Variants in KRABD5 observed in about 807,000 individuals in gnomAD.
KRABD5 encodes KRAB domain-containing protein 5.
At chr16:31,735,255 A>G in the KRABD5 span, among the ~76,000 whole-genome samples, 1 of 151,986 alleles carries the variant, frequency 6.6e-6, no homozygotes, top group Non-Finnish European at 1.5e-5. Context: ...TTCTTTTTTA[A>G]TGGCTGAATA....
the KRABD5 span, among the ~76,000 whole-genome samples, chr16:31,717,003 T>G: frequency 2.1e-5 from 3 of 143,956 alleles, no homozygotes; most frequent in East Asian, 2.0e-4. Context: ...CTTTGTTTTT[T>G]TTTTTTTTTT....
At chr16:31,742,851 A>G in the KRABD5 span, among the ~76,000 whole-genome samples, 1 of 152,284 alleles carries the variant, frequency 6.6e-6, no homozygotes, top group East Asian at 1.9e-4. Context: ...AATGATTGCC[A>G]TTCTGACTGG....
the KRABD5 span, chr16:31,754,211 T>G: frequency 1.5e-6 from 1 of 668,910 alleles, no homozygotes; most frequent in Non-Finnish European, 2.7e-6. Context: ...AGGAGAGATT[T>G]AAAAACGAGG....
the KRABD5 span, among the ~76,000 whole-genome samples, chr16:31,713,713 A>T: frequency 6.6e-6 from 1 of 152,062 alleles, no homozygotes. Flanking sequence ...TGAGAACGTG[A>T]GGGTCTTAGG....
At chr16:31,753,869 T>C in the KRABD5 span, 1 of 1,551,316 alleles carries the variant, frequency 6.4e-7, no homozygotes. Context: ...GCCCTCAGAA[T>C]TTAAACTTAA....
the KRABD5 span, among the ~76,000 whole-genome samples, chr16:31,745,946 C>G: frequency 6.7e-6 from 1 of 148,772 alleles, no homozygotes; most frequent in Non-Finnish European, 1.5e-5. Flanking sequence ...GCAACCCCTG[C>G]TTTTTTTTTT....
the KRABD5 span, among the ~76,000 whole-genome samples, chr16:31,716,046 G>A: frequency 1.3e-5 from 2 of 152,148 alleles, no homozygotes; most frequent in Non-Finnish European, 2.9e-5. Context: ...CACTGGCGTC[G>A]CCATGCCCCT....
At chr16:31,724,560 C>CG in the KRABD5 span, among the ~76,000 whole-genome samples, 2 of 151,812 alleles carry the variant, frequency 1.3e-5, no homozygotes, top group African/African-American at 4.8e-5. Flanking sequence ...GGCGTGGTGG[C>CG]GGGTGCCTGT....
At chr16:31,752,286 T>C in the KRABD5 span, among the ~76,000 whole-genome samples, 3 of 152,204 alleles carry the variant, frequency 2.0e-5, no homozygotes, top group African/African-American at 7.2e-5. Flanking sequence ...TGGTCTATTC[T>C]GTAGATGCCT....
the KRABD5 span, chr16:31,761,298 A>C: frequency 5.3e-5 from 8 of 152,194 alleles, no homozygotes; most frequent in Non-Finnish European, 1.2e-4. Flanking sequence ...TGTTCTAGTG[A>C]AACAATTAGG....
the KRABD5 span, among the ~76,000 whole-genome samples, chr16:31,714,105 A>C: frequency 6.6e-6 from 1 of 152,186 alleles, no homozygotes; most frequent in Non-Finnish European, 1.5e-5. Context: ...GTGACAGTGG[A>C]TATCTGTGTT....
chr16:31,722,189 T>C, the KRABD5 span, among the ~76,000 whole-genome samples: 18 of 152,196 alleles, frequency 1.2e-4, no homozygotes, highest in Admixed American at 1.2e-3. Flanking sequence ...TTCTCCTGCC[T>C]CAGGTTCCTG....
the KRABD5 span, among the ~76,000 whole-genome samples, chr16:31,718,259 A>G: frequency 6.6e-6 from 1 of 152,146 alleles, no homozygotes; most frequent in African/African-American, 2.4e-5. Context: ...TTTTCTTCAC[A>G]GCAACACCCA....
chr16:31,743,966 T>G, the KRABD5 span, among the ~76,000 whole-genome samples: 1 of 152,216 alleles, frequency 6.6e-6, no homozygotes, highest in Non-Finnish European at 1.5e-5. Flanking sequence ...TTTTGCACAT[T>G]GATTTTGTAT....
the KRABD5 span, chr16:31,756,318 C>A: frequency 2.6e-5 from 4 of 152,030 alleles, no homozygotes; most frequent in African/African-American, 9.6e-5. Context: ...CATTAGTATT[C>A]TATACTAAAG....
At chr16:31,749,206 G>A in the KRABD5 span, among the ~76,000 whole-genome samples, 1 of 152,090 alleles carries the variant, frequency 6.6e-6, no homozygotes, top group Non-Finnish European at 1.5e-5. Context: ...AGAAAGGATG[G>A]CCTGGGTCAG....
the KRABD5 span, chr16:31,713,421 G>T: frequency 6.2e-7 from 1 of 1,605,532 alleles, no homozygotes; most frequent in Non-Finnish European, 8.5e-7. Flanking sequence ...AGGACATCCC[G>T]GAAGCTGGGA....
chr16:31,720,917 G>C, the KRABD5 span, among the ~76,000 whole-genome samples: 1 of 152,128 alleles, frequency 6.6e-6, no homozygotes, highest in Non-Finnish European at 1.5e-5. Context: ...TTTGAAACTG[G>C]AAATTCTGAA....
chr16:31,730,413 C>T, the KRABD5 span, among the ~76,000 whole-genome samples: 1 of 152,064 alleles, frequency 6.6e-6, no homozygotes, highest in South Asian at 2.1e-4. Flanking sequence ...GCTAAAAAAT[C>T]TACTGATAAC....
Sources: gnomAD v4.1 joint callset for allele counts (sites outside exome capture counted in the v4.1 genomes callset) on GRCh38, gnomAD v4.1.1 for gene constraint, MANE v1.5 for transcripts, NCBI Gene and HGNC (gene_info 2026-07-23, HGNC 2026-07-21) for gene names.